The following BTBD9 variants were observed in gnomAD, a reference collection of about 807,000 sequenced individuals.
BTBD9 encodes BTB/POZ domain-containing protein 9.
Under a neutral mutation model 64.3 loss-of-function variants are expected in BTBD9, and 49 were observed. That is an observed-to-expected ratio of 0.76 (90% CI 0.61 to 0.97). The LOEUF (loss-of-function observed/expected upper bound fraction) is 0.97. BTBD9 is among the 50% of genes least tolerant of loss of function. The probability of loss-of-function intolerance (pLI) is 0.00; values close to 1 mark genes in which losing one functional copy is unlikely to be tolerated. For synonymous variants in BTBD9, 260 were observed against 274.7 expected, an observed-to-expected ratio of 0.95 and a Z score of 0.53; for missense variants, 598 against 762.1, an observed-to-expected ratio of 0.78 and a Z score of 2.53.
chr6:38,238,637 T>G (rs1004079612), intron 9 of BTBD9, among the ~76,000 whole-genome samples: 18 of 152,016 alleles, frequency 1.2e-4, no homozygotes, highest in African/African-American at 4.1e-4. Flanking sequence ...CACGCCCAGC[T>G]AATTTTTTTG....
intron 6 of BTBD9, among the ~76,000 whole-genome samples, chr6:38,359,910 T>C (rs904396150): frequency 1.4e-4 from 21 of 150,864 alleles, no homozygotes; most frequent in Non-Finnish European, 2.2e-4. Context: ...TCTGTTTTCA[T>C]TGAAAGGCTA....
chr6:38,424,776 C>G (rs1768071324), intron 6 of BTBD9, among the ~76,000 whole-genome samples: 1 of 151,934 alleles, frequency 6.6e-6, no homozygotes, highest in Admixed American at 6.5e-5. Flanking sequence ...CTCAGCCTCC[C>G]AAAGGCCTGG....
At chr6:38,226,768 C>T (rs911760608) in intron 9 of BTBD9, among the ~76,000 whole-genome samples, 1 of 152,262 alleles carries the variant, frequency 6.6e-6, no homozygotes, top group Non-Finnish European at 1.5e-5. Flanking sequence ...CACACACACA[C>T]ACGCACTCAC....
intron 6 of BTBD9, among the ~76,000 whole-genome samples, chr6:38,363,119 T>C (rs572211759): frequency 1.8e-4 from 27 of 152,340 alleles, no homozygotes; most frequent in South Asian, 1.7e-3. Flanking sequence ...GACAGCATCT[T>C]GCTCTGTTGC....
At chr6:38,246,140 G>T (rs982056040) in intron 9 of BTBD9, among the ~76,000 whole-genome samples, 2 of 152,172 alleles carry the variant, frequency 1.3e-5, no homozygotes, top group African/African-American at 4.8e-5. Context: ...TTAGAACTCA[G>T]GCAATTCACA....
intron 4 of BTBD9, among the ~76,000 whole-genome samples, chr6:38,586,054 T>C (rs759969374): frequency 1.3e-5 from 2 of 152,038 alleles, no homozygotes; most frequent in African/African-American, 4.8e-5. Context: ...AATAAAGATA[T>C]CTTGAGGATA....
intron 1 of BTBD9, chr6:38,613,103 A>G (rs933693112): frequency 5.3e-5 from 8 of 152,248 alleles, no homozygotes; most frequent in Non-Finnish European, 1.0e-4. Context: ...TTTATTGAGT[A>G]GTTGTCAAAT....
chr6:38,225,297 C>G (rs1322603155), intron 9 of BTBD9, among the ~76,000 whole-genome samples: 1 of 152,206 alleles, frequency 6.6e-6, no homozygotes, highest in African/African-American at 2.4e-5. Flanking sequence ...GTCCTAGAGG[C>G]TCTGAGATTC....
chr6:38,428,421 C>T (rs913753216), intron 6 of BTBD9, among the ~76,000 whole-genome samples: 16 of 148,990 alleles, frequency 1.1e-4, no homozygotes, highest in South Asian at 2.2e-4. Context: ...ACTAAAACTA[C>T]GTTCTCTGTT....
At chr6:38,458,873 C>T (rs1769941144) in intron 6 of BTBD9, among the ~76,000 whole-genome samples, 3 of 151,744 alleles carry the variant, frequency 2.0e-5, no homozygotes, top group Non-Finnish European at 4.4e-5. Flanking sequence ...TTAAGTATGA[C>T]AAAAAAAGGC....
chr6:38,403,131 A>G (rs1767013849), intron 6 of BTBD9, among the ~76,000 whole-genome samples: 1 of 152,110 alleles, frequency 6.6e-6, no homozygotes, highest in African/African-American at 2.4e-5. Flanking sequence ...AAAGAAAAGA[A>G]GAGAAGAGAA....
intron 6 of BTBD9, among the ~76,000 whole-genome samples, chr6:38,438,244 G>GA (rs1768841249): frequency 1.7e-5 from 1 of 57,550 alleles, no homozygotes; most frequent in Non-Finnish European, 3.1e-5. Flanking sequence ...GGGAGGGAGG[G>GA]AGGGAGGAAG....
intron 7 of BTBD9, among the ~76,000 whole-genome samples, chr6:38,341,997 G>A (rs1237130901): frequency 6.6e-6 from 1 of 152,158 alleles, no homozygotes; most frequent in Non-Finnish European, 1.5e-5. Flanking sequence ...CATAAAAATG[G>A]GAAAGAACCC....
At chr6:38,443,999 T>C (rs1303430936) in intron 6 of BTBD9, among the ~76,000 whole-genome samples, 2 of 152,208 alleles carry the variant, frequency 1.3e-5, no homozygotes, top group African/African-American at 4.8e-5. Flanking sequence ...TAATCTGCTC[T>C]TGCCTTTGGT....
chr6:38,347,730 G>T (rs1341302911), intron 6 of BTBD9, among the ~76,000 whole-genome samples: 1 of 152,150 alleles, frequency 6.6e-6, no homozygotes, highest in Non-Finnish European at 1.5e-5. Context: ...GGCCAGGCGT[G>T]GTAGCCCTGT....
intron 6 of BTBD9, among the ~76,000 whole-genome samples, chr6:38,422,117 A>T (rs1017146594): frequency 6.6e-6 from 1 of 152,152 alleles, no homozygotes; most frequent in Admixed American, 6.5e-5. Context: ...CATTCTGGGG[A>T]GCATTCTGGG....
intron 6 of BTBD9, among the ~76,000 whole-genome samples, chr6:38,460,184 A>C (rs895517903): frequency 2.0e-5 from 3 of 152,216 alleles, no homozygotes; most frequent in African/African-American, 7.2e-5. Context: ...TCTAAACCTT[A>C]GGCAGTAAGA....
chr6:38,183,938 A>T (rs570316551), intron 10 of BTBD9, among the ~76,000 whole-genome samples: 124 of 152,334 alleles, frequency 8.1e-4, no homozygotes, highest in Non-Finnish European at 1.7e-3. Context: ...CTGAGGACAC[A>T]AAGATGCTAC....
chr6:38,610,684 G>T (rs1426666787), intron 1 of BTBD9, among the ~76,000 whole-genome samples: 1 of 152,152 alleles, frequency 6.6e-6, no homozygotes, highest in African/African-American at 2.4e-5. Context: ...GGGAAAGGGA[G>T]ATTAGGCCAC....
Sources: allele counts gnomAD v4.1 joint callset (sites outside exome capture counted in the v4.1 genomes callset), GRCh38; gene constraint gnomAD v4.1.1; transcripts MANE v1.5; gene names NCBI Gene and HGNC (gene_info 2026-07-23, HGNC 2026-07-21).